The following HPSE2 variants were observed in gnomAD, a reference collection of about 807,000 sequenced individuals.
The protein encoded by HPSE2 is heparanase 2 (inactive), also known as inactive heparanase-2.
A neutral mutation model predicts 60.5 loss-of-function variants in HPSE2; 38 were observed. The ratio of observed to expected loss-of-function variants is 0.63; its 90% CI spans 0.48 to 0.82. HPSE2 has a LOEUF of 0.82. Among genes scored for constraint, HPSE2 ranks in the 40% least tolerant of loss-of-function variants. The pLI, the probability that HPSE2 is intolerant of heterozygous loss-of-function variation, is 0.00. For synonymous variants in HPSE2, 295 were observed against 293.2 expected, an observed-to-expected ratio of 1.01 and a Z score of -0.06; for missense variants, 713 against 740.4, an observed-to-expected ratio of 0.96 and a Z score of 0.43.
At chr10:98,735,073 T>C (rs1173326715) in intron 4 of HPSE2, among the ~76,000 whole-genome samples, 1 of 152,106 alleles carries the variant, frequency 6.6e-6, no homozygotes, top group African/African-American at 2.4e-5. Flanking sequence ...TTTTGAAAGG[T>C]GCAAAATGTC....
In HPSE2 at chr10:98,528,713, C is replaced by T. The variant is rs181492820; in HGVS notation, c.1321-38517G>A. Among the ~76,000 whole-genome samples the T allele has an allele frequency of 1.5e-3, 226 of 152,290 alleles. 3 individuals are homozygous for T. The Middle Eastern group carries it at 0.024, about 16-fold the overall frequency. ...GTTTCCTGTCCTATTATGTGTCAGC[C>T]GGAAGGGCAGCCTTTCCGAGGGAAG... On this transcript the variant is annotated intron_variant, in intron 9 of 11. Transcript: ENST00000370552.
At chr10:98,770,750 G>C (rs1034438730) in intron 3 of HPSE2, among the ~76,000 whole-genome samples, 1 of 151,872 alleles carries the variant, frequency 6.6e-6, no homozygotes, top group Admixed American at 6.6e-5. Flanking sequence ...ACATCTAATC[G>C]TATCTTAGTG....
intron 3 of HPSE2, among the ~76,000 whole-genome samples, chr10:98,749,750 T>G (rs1361816062): frequency 6.6e-6 from 1 of 150,846 alleles, no homozygotes; most frequent in Non-Finnish European, 1.5e-5. Context: ...CTGATGTAAG[T>G]GTTCTGAGTG....
chr10:99,292,752 T>C, the HPSE2 span, among the ~76,000 whole-genome samples: 1 of 152,200 alleles, frequency 6.6e-6, no homozygotes, highest in Non-Finnish European at 1.5e-5. Context: ...TACATTCTTT[T>C]TTTCGTACTA....
rs144959561 is a variant in HPSE2, at chr10:99,204,507, C to T, written c.448+27841G>A. Among the ~76,000 whole-genome samples, 229 of 152,256 alleles carry T rather than the reference C, an allele frequency of 1.5e-3. 1 individual carries two copies. The highest frequency in any genetic ancestry group is 5.3e-3 in the African/African-American group (219 of 41,550). On this transcript the variant is annotated intron_variant, in intron 2 of 11. Coordinates refer to ENST00000370552, the MANE Select transcript of HPSE2 (RefSeq NM_021828.5). Reference sequence around the variant, plus strand: ...AAGGTAACAGGAAACATGAAAAAAACCTAGGAAATATTAACACCACTGAAA... The same window carrying T: ...AAGGTAACAGGAAACATGAAAAAAATCTAGGAAATATTAACACCACTGAAA...
chr10:98,806,433 C>T (rs2589572), intron 3 of HPSE2, among the ~76,000 whole-genome samples: 9,748 of 152,142 alleles, frequency 0.064, 1,011 homozygotes, highest in African/African-American at 0.22. Flanking sequence ...CCAGGGAGCT[C>T]GTGGAATAGA....
At chr10:98,831,132 G>A (rs543633324) in intron 3 of HPSE2, among the ~76,000 whole-genome samples, 129 of 152,254 alleles carry the variant, frequency 8.5e-4, no homozygotes, top group Middle Eastern at 3.4e-3. Flanking sequence ...AGAGCAGGAA[G>A]AAATAGGGTG....
At chr10:98,780,032 T>C (rs1022234355) in intron 3 of HPSE2, among the ~76,000 whole-genome samples, 15 of 152,260 alleles carry the variant, frequency 9.9e-5, no homozygotes, top group African/African-American at 3.1e-4. Context: ...GAAAAATTTT[T>C]AAAAATTCCA....
At chr10:98,727,164 T>A (rs1047594972) in intron 4 of HPSE2, among the ~76,000 whole-genome samples, 2 of 152,100 alleles carry the variant, frequency 1.3e-5, no homozygotes, top group African/African-American at 4.8e-5. Context: ...GTCCAAGACC[T>A]ATGGTATGGA....
At chr10:98,734,197 A>G (rs568317500) in intron 4 of HPSE2, among the ~76,000 whole-genome samples, 18 of 152,148 alleles carry the variant, frequency 1.2e-4, no homozygotes, top group African/African-American at 4.3e-4. Context: ...TTCATTTTGC[A>G]GCACATAGTA....
At position 98,660,697 on chromosome 10, in the gene HPSE2, C is replaced by T. The variant is rs191202538; in HGVS notation, c.1005-18757G>A. Among the ~76,000 whole-genome samples, 5 of 152,222 alleles carry T rather than the reference C, an allele frequency of 3.3e-5. No homozygotes were observed. The East Asian group carries it at 9.7e-4, about 29-fold the overall frequency. ...TGAAGTTTCAGAGTTTGAAGATGAC[C>T]TTCATCTTTCCTTTCCTTCTGTTTC... On this transcript the variant is annotated intron_variant, in intron 6 of 11. Transcript: ENST00000370552.
intron 9 of HPSE2, among the ~76,000 whole-genome samples, chr10:98,493,713 G>A (rs947829904): frequency 6.6e-6 from 1 of 152,168 alleles, no homozygotes; most frequent in African/African-American, 2.4e-5. Flanking sequence ...ACAGCATAGA[G>A]TTGGATCCTG....
rs1040472005 is a variant in HPSE2, at chr10:98,695,396, T to C, written c.957-1449A>G. 2.0e-5 allele frequency among the ~76,000 whole-genome samples: 3 copies of C among 152,062 alleles called. No homozygotes were observed. The East Asian group carries it at 5.8e-4, about 29-fold the overall frequency. On this transcript the variant is annotated intron_variant, in intron 5 of 11. Coordinates refer to ENST00000370552, the MANE Select transcript of HPSE2 (RefSeq NM_021828.5). ...AGTCCTCAAGCAAGAAAGTAGAAAATGACACATGGGAATGATCGAGGAATA... is the reference window on the plus strand; with the variant it reads ...AGTCCTCAAGCAAGAAAGTAGAAAACGACACATGGGAATGATCGAGGAATA...
chr10:98,753,895 C>T lies in HPSE2; in HGVS notation c.611-9839G>A, dbSNP rs145413417. On this transcript the variant is annotated intron_variant, in intron 3 of 11. Coordinates refer to ENST00000370552, the MANE Select transcript of HPSE2 (RefSeq NM_021828.5). Reference sequence around the variant, plus strand: ...CTTCAAAATTAAAGGAACATCAGCACCCACAGATGAGAAAGAACCAGAATA... The same window carrying T: ...CTTCAAAATTAAAGGAACATCAGCATCCACAGATGAGAAAGAACCAGAATA... Among the ~76,000 whole-genome samples the T allele has an allele frequency of 9.8e-5, 15 of 152,286 alleles. 1 individual carries two copies. The highest frequency in any genetic ancestry group is 1.8e-4 in the Non-Finnish European group (12 of 68,020).
chr10:98,638,091 A>G (rs1946543167), intron 7 of HPSE2, among the ~76,000 whole-genome samples: 1 of 134,732 alleles, frequency 7.4e-6, no homozygotes, highest in African/African-American at 2.8e-5. Context: ...GTGAGCTGAG[A>G]TCCTGCCACT....
intron 3 of HPSE2, among the ~76,000 whole-genome samples, chr10:98,942,800 T>C (rs1168314371): frequency 3.3e-5 from 5 of 152,024 alleles, no homozygotes; most frequent in Admixed American, 1.3e-4. Flanking sequence ...ATTGCGGCAC[T>C]ATTCACAATA....
the HPSE2 span, among the ~76,000 whole-genome samples, chr10:99,257,045 A>G: frequency 6.6e-6 from 1 of 152,230 alleles, no homozygotes; most frequent in South Asian, 2.1e-4. Flanking sequence ...TAAATTGTGA[A>G]GATTTCATGG....
intron 9 of HPSE2, among the ~76,000 whole-genome samples, chr10:98,581,509 C>T (rs891923228): frequency 6.6e-6 from 1 of 152,048 alleles, no homozygotes; most frequent in African/African-American, 2.4e-5. Context: ...TATATTTTTA[C>T]TATTAGTTAA....
intron 3 of HPSE2, among the ~76,000 whole-genome samples, chr10:98,946,888 C>T (rs1032844027): frequency 2.0e-5 from 3 of 152,014 alleles, no homozygotes; most frequent in East Asian, 3.9e-4. Context: ...ATCATCTTCA[C>T]GTGAGCAATT....
Sources: gnomAD v4.1 joint callset for allele counts (sites outside exome capture counted in the v4.1 genomes callset) on GRCh38, gnomAD v4.1.1 for gene constraint, MANE v1.5 for transcripts, NCBI Gene and HGNC (gene_info 2026-07-23, HGNC 2026-07-21) for gene names.